Variants in TMEM38A observed in about 807,000 individuals in gnomAD.
The protein encoded by TMEM38A is transmembrane protein 38A, also known as trimeric intracellular cation channel type A.
A neutral mutation model predicts 28.6 loss-of-function variants in TMEM38A; 17 were observed. That is an observed-to-expected ratio of 0.60 (90% CI 0.41 to 0.89). The LOEUF (loss-of-function observed/expected upper bound fraction) is 0.89. Among genes scored for constraint, TMEM38A ranks in the 40% least tolerant of loss-of-function variants. The pLI, the probability that TMEM38A is intolerant of heterozygous loss-of-function variation, is 0.00. For missense variants in TMEM38A, 328 were observed against 393.1 expected (o/e 0.83, Z 1.40); for synonymous variants, 169 against 166.1 (o/e 1.02, Z -0.14).
Position 16,661,162 on chromosome 19 carries a change from G to T in TMEM38A, c.-56G>T. On this transcript the variant is annotated 5_prime_UTR_variant, in exon 1 of 6. Coordinates refer to ENST00000187762, the MANE Select transcript of TMEM38A (RefSeq NM_024074.4). This position sits in a 1 kb window ranked among gnomAD's most constrained non-coding sequence, Gnocchi z 6.5. ...GCGCAGTCGCCGGGCCGCGGGCGGC[G>T]GGACGGACGAGGCCGGGGCCCCGGG... 3.6e-6 allele frequency: 4 copies of T among 1,117,570 alleles called. No individual in the cohort carries two copies. Among genetic ancestry groups the T allele is most frequent in the Non-Finnish European group, 4.4e-6 (4 of 910,830 alleles). 69.2% of individuals were successfully genotyped at this position (1,117,570 alleles called of 1,614,324 possible).
chr19:16,674,023 C>G (rs1482958913), intron 1 of TMEM38A, among the ~76,000 whole-genome samples: 1 of 151,988 alleles, frequency 6.6e-6, no homozygotes, highest in South Asian at 2.1e-4. Flanking sequence ...GAGTTTGAGG[C>G]TGCAGTGAGC....
chr19:16,682,855 AGG>A (rs1175767500), intron 4 of TMEM38A, among the ~76,000 whole-genome samples: 1 of 152,196 alleles, frequency 6.6e-6, no homozygotes, highest in Non-Finnish European at 1.5e-5. Context: ...GTCAGGGTAC[AGG>A]GTATGCATGG....
At chr19:16,664,558 G>T (rs1329464812) in intron 1 of TMEM38A, among the ~76,000 whole-genome samples, 1 of 152,112 alleles carries the variant, frequency 6.6e-6, no homozygotes, top group Non-Finnish European at 1.5e-5. Flanking sequence ...TTGCCAGGCC[G>T]ATACAAAGTA....
intron 1 of TMEM38A, among the ~76,000 whole-genome samples, chr19:16,669,088 C>T (rs2086715775): frequency 6.6e-6 from 1 of 152,042 alleles, no homozygotes; most frequent in Admixed American, 6.6e-5. Flanking sequence ...CCTTGGCCTC[C>T]CAAAGTGTTG....
At chr19:16,677,074 GAAAA>G (rs398079759) in intron 1 of TMEM38A, among the ~76,000 whole-genome samples, 34 of 109,122 alleles carry the variant, frequency 3.1e-4, no homozygotes, top group Non-Finnish European at 3.5e-4. Context: ...TTTTTAAAAA[GAAAA>G]AAAAAAAAAA....
chr19:16,674,655 CG>C (rs926932874), intron 1 of TMEM38A, among the ~76,000 whole-genome samples: 13 of 151,308 alleles, frequency 8.6e-5, no homozygotes, highest in African/African-American at 3.2e-4. Flanking sequence ...CAAAATTAGC[CG>C]GGCGTGGTGG....
chr19:16,677,248 C>G (rs995340346), intron 1 of TMEM38A, among the ~76,000 whole-genome samples: 1 of 152,114 alleles, frequency 6.6e-6, no homozygotes, highest in East Asian at 1.9e-4. Context: ...ACCCAGCTTC[C>G]TCCAATGACA....
At chr19:16,687,553 A>G (rs1323807809) in intron 5 of TMEM38A, among the ~76,000 whole-genome samples, 1 of 152,164 alleles carries the variant, frequency 6.6e-6, no homozygotes, top group African/African-American at 2.4e-5. Context: ...TGTATTTCTT[A>G]CAGTTCTGGA....
chr19:16,671,434 C>G (rs1460274011), intron 1 of TMEM38A, among the ~76,000 whole-genome samples: 1 of 152,036 alleles, frequency 6.6e-6, no homozygotes, highest in Non-Finnish European at 1.5e-5. Flanking sequence ...AACTCAAACT[C>G]CTGACCTCAA....
Position 16,682,468 on chromosome 19 carries a change from G to C in TMEM38A, c.514G>C (p.Val172Leu). Residue 172 changes from valine (V) to leucine (L), a missense_variant, in exon 4 of 6, where the codon GTC becomes CTC. Transcript: ENST00000187762. ...MSNFEQLLRG[V>L]WKPETNEILH... The stretch of plus-strand genomic sequence containing the variant: ...CAACTTTGAGCAGCTGCTCCGAGGG[G>C]TCTGGAAGCCAGAGACCAACGAGAT... 6.2e-7 allele frequency: 1 copy of C among 1,613,814 alleles called. No individual in the cohort carries two copies. The highest frequency in any genetic ancestry group is 1.3e-5 in the African/African-American group (1 of 74,908).
intron 1 of TMEM38A, among the ~76,000 whole-genome samples, chr19:16,678,354 G>A (rs1027925459): frequency 4.0e-5 from 6 of 151,010 alleles, no homozygotes; most frequent in Admixed American, 2.7e-4. Context: ...ACTTGAACCC[G>A]GGAGGAGGAG....
intron 1 of TMEM38A, among the ~76,000 whole-genome samples, chr19:16,677,624 A>G (rs2086757878): frequency 6.8e-6 from 1 of 146,462 alleles, no homozygotes; most frequent in Admixed American, 6.7e-5. Context: ...TGGCATGCTC[A>G]TGACTCACTG....
intron 1 of TMEM38A, among the ~76,000 whole-genome samples, chr19:16,677,888 G>A (rs1226708148): frequency 1.3e-5 from 2 of 152,044 alleles, no homozygotes; most frequent in Non-Finnish European, 2.9e-5. Context: ...ATGCTACAAT[G>A]GGGATGAAGC....
chr19:16,673,300 T>C (rs2086735510), intron 1 of TMEM38A, among the ~76,000 whole-genome samples: 1 of 152,144 alleles, frequency 6.6e-6, no homozygotes, highest in Non-Finnish European at 1.5e-5. Context: ...CAGGCTGGTC[T>C]CAAACTCCTG....
At chr19:16,682,760 GC>G (rs1398776373) in intron 4 of TMEM38A, among the ~76,000 whole-genome samples, 1 of 152,104 alleles carries the variant, frequency 6.6e-6, no homozygotes, top group African/African-American at 2.4e-5. Context: ...GAGTTCACTG[GC>G]CAAGAAGGAG....
At chr19:16,679,251 TCGTGTGTGTG>T (rs1417995953) in intron 1 of TMEM38A, among the ~76,000 whole-genome samples, 1 of 126,612 alleles carries the variant, frequency 7.9e-6, no homozygotes, top group East Asian at 2.3e-4. Context: ...TTCTTTTGTT[TCGTGTGTGTG>T]TGTGTGTGTG....
At chr19:16,668,894 T>C (rs2086714918) in intron 1 of TMEM38A, among the ~76,000 whole-genome samples, 1 of 151,394 alleles carries the variant, frequency 6.6e-6, no homozygotes, top group Non-Finnish European at 1.5e-5. Flanking sequence ...AATGGTTTGA[T>C]CTTGGCTCAC....
chr19:16,678,285 T>C (rs1210874959), intron 1 of TMEM38A, among the ~76,000 whole-genome samples: 2 of 151,936 alleles, frequency 1.3e-5, no homozygotes, highest in South Asian at 2.1e-4. Context: ...AAAAATTAGT[T>C]GGGCGTGGTG....
intron 1 of TMEM38A, among the ~76,000 whole-genome samples, chr19:16,665,812 CTT>C (rs112668614): frequency 2.5e-4 from 35 of 140,934 alleles, no homozygotes; most frequent in Admixed American, 3.6e-4. Context: ...TTTTCTTTTC[CTT>C]TTTTTTTTTT....
Sources: gnomAD v4.1 joint callset for allele counts (sites outside exome capture counted in the v4.1 genomes callset) on GRCh38, gnomAD v4.1.1 for gene constraint, Gnocchi (gnomAD v3.1) non-coding constraint, MANE v1.5 for transcripts, NCBI Gene and HGNC (gene_info 2026-07-23, HGNC 2026-07-21) for gene names.